MAGI2: variants seen among roughly 807,000 people sequenced by gnomAD.
MAGI2 encodes membrane-associated guanylate kinase, WW and PDZ domain-containing protein 2.
MAGI2 carries 35 observed loss-of-function variants against 133.3 expected under a neutral mutation model. The observed-to-expected ratio is 0.26, with a 90% CI of 0.20 to 0.35. The LOEUF is 0.35. MAGI2 is among the 10% of genes least tolerant of loss of function. MAGI2 has a pLI of 1.00. For missense variants in MAGI2, 1,636 were observed against 1,863.4 expected (o/e 0.88, Z 2.25); for synonymous variants, 729 against 710.6 (o/e 1.03, Z -0.41).
intron 1 of MAGI2, among the ~76,000 whole-genome samples, chr7:79,167,099 G>A (rs1825003529): frequency 6.6e-6 from 1 of 151,970 alleles, no homozygotes; most frequent in Admixed American, 6.6e-5. Context: ...GCACATTTTT[G>A]TTCCAATTTA....
rs536369407 is a variant in MAGI2, at chr7:78,903,377, A to G, written c.418+103713T>C. On this transcript the variant is annotated intron_variant, in intron 2 of 21. Transcript: ENST00000354212. ...CCCGGCTAATTTTTTTTGTATTTTT[A>G]GTAGAGACGGGGTTTCACCATGTTA... 3.1e-3 allele frequency among the ~76,000 whole-genome samples: 474 copies of G among 151,316 alleles called. 1 individual carries two copies. Among genetic ancestry groups the G allele is most frequent in the African/African-American group, 0.01 (429 of 41,288 alleles).
intron 1 of MAGI2, among the ~76,000 whole-genome samples, chr7:79,115,989 GCATCC>G (rs1410097545): frequency 1.4e-5 from 2 of 147,584 alleles, no homozygotes; most frequent in African/African-American, 5.0e-5. Flanking sequence ...AAATTATTCT[GCATCC>G]CATCAGCAAG....
chr7:78,360,916 C>G lies in MAGI2; in HGVS notation c.1103+8240G>C, dbSNP rs28662399. Among the ~76,000 whole-genome samples, 490 of 152,290 alleles carry G rather than the reference C, an allele frequency of 3.2e-3. 2 individuals are homozygous for G. The highest frequency in any genetic ancestry group is 0.011 in the African/African-American group (447 of 41,564). On this transcript the variant is annotated intron_variant, in intron 7 of 21. Coordinates refer to ENST00000354212, the MANE Select transcript of MAGI2 (RefSeq NM_012301.4). ...TTTGGCAGCAGAGAACATGGTGTCT[C>G]CAGCTGTGAGCATTCCTGCCCTCTC... is the stretch of plus-strand genomic sequence containing the variant.
At chr7:79,448,254 T>A (rs186697261) in intron 1 of MAGI2, among the ~76,000 whole-genome samples, 1 of 152,180 alleles carries the variant, frequency 6.6e-6, no homozygotes, top group Admixed American at 6.5e-5. Flanking sequence ...ATTGATATTA[T>A]TCTTCAAATA....
intron 9 of MAGI2, among the ~76,000 whole-genome samples, chr7:78,328,327 G>A (rs758364407): frequency 5.9e-5 from 9 of 151,994 alleles, no homozygotes; most frequent in Non-Finnish European, 1.0e-4. Flanking sequence ...TAAGTTTTGA[G>A]ATTACATCTG....
intron 2 of MAGI2, among the ~76,000 whole-genome samples, chr7:78,637,684 CTGTTA>C (rs1455349921): frequency 2.2e-5 from 3 of 138,730 alleles, no homozygotes; most frequent in Non-Finnish European, 5.0e-5. Context: ...ATAAAGCTCT[CTGTTA>C]TAACAAATTA....
intron 9 of MAGI2, among the ~76,000 whole-genome samples, chr7:78,281,166 C>T (rs1795532495): frequency 6.6e-6 from 1 of 152,068 alleles, no homozygotes; most frequent in East Asian, 1.9e-4. Context: ...ATTTCTCCAG[C>T]ACTTATAATC....
chr7:79,002,780 T>C (rs1246950290), intron 2 of MAGI2, among the ~76,000 whole-genome samples: 1 of 151,988 alleles, frequency 6.6e-6, no homozygotes, highest in Non-Finnish European at 1.5e-5. Flanking sequence ...GTAGTTTCAT[T>C]ACAGAACTCA....
chr7:78,923,213 C>G (rs965227495), intron 2 of MAGI2, among the ~76,000 whole-genome samples: 1 of 152,114 alleles, frequency 6.6e-6, no homozygotes, highest in African/African-American at 2.4e-5. Flanking sequence ...TCCCATTTGT[C>G]AATTTTGGCT....
chr7:78,376,413 A>G (rs1794454367), intron 6 of MAGI2, among the ~76,000 whole-genome samples: 1 of 152,142 alleles, frequency 6.6e-6, no homozygotes, highest in South Asian at 2.1e-4. Context: ...ATTATTTTAC[A>G]GTGGAAAGAA....
chr7:78,353,059 T>C (rs1218702279), intron 7 of MAGI2: 1 of 152,222 alleles, frequency 6.6e-6, no homozygotes, highest in East Asian at 1.9e-4. Context: ...TTCACTCCCA[T>C]AAAGTATCTC....
chr7:79,303,201 G>A (rs1019403317), intron 1 of MAGI2, among the ~76,000 whole-genome samples: 1 of 152,058 alleles, frequency 6.6e-6, no homozygotes, highest in South Asian at 2.1e-4. Flanking sequence ...TTTGGGGTAC[G>A]ATGTACACTA....
chr7:78,234,219 T>C (rs1334235422), intron 10 of MAGI2, among the ~76,000 whole-genome samples: 1 of 152,208 alleles, frequency 6.6e-6, no homozygotes, highest in Non-Finnish European at 1.5e-5. Flanking sequence ...TTAAATTGTA[T>C]TCCAGATTTT....
intron 10 of MAGI2, among the ~76,000 whole-genome samples, chr7:78,208,427 C>T (rs933368523): frequency 2.0e-5 from 3 of 152,000 alleles, no homozygotes; most frequent in Non-Finnish European, 4.4e-5. Context: ...AAGCCTTAAA[C>T]AGGAATAAAG....
At chr7:79,335,140 C>T (rs1840347783) in intron 1 of MAGI2, among the ~76,000 whole-genome samples, 1 of 152,088 alleles carries the variant, frequency 6.6e-6, no homozygotes, top group Admixed American at 6.5e-5. Context: ...GGAGATCCCC[C>T]TCTAAAGCAT....
At chr7:78,348,304 A>C (rs1377666502) in intron 7 of MAGI2, 1 of 152,214 alleles carries the variant, frequency 6.6e-6, no homozygotes, top group Non-Finnish European at 1.5e-5. Flanking sequence ...GGGGACATTA[A>C]TAGCTACATC....
In MAGI2 at chr7:79,410,028, GA is replaced by G. The variant is rs1370481872; in HGVS notation, c.301+42991del. On this transcript the variant is annotated intron_variant, in intron 1 of 21. Transcript: ENST00000354212. ...TTTTCAAAGGAAGTACAAATAAATA[GA>G]AACACATATAGGAATTCAGGAGTTA... 3.3e-5 allele frequency: 5 copies of G among 151,918 alleles called. No individual in the cohort carries two copies. The East Asian group carries it at 9.7e-4, about 29-fold the overall frequency. The allele number at this position is 151,918 out of a possible 1,614,324, so 9.4% of individuals were successfully genotyped here.
intron 6 of MAGI2, among the ~76,000 whole-genome samples, chr7:78,404,696 G>C (rs1338024838): frequency 2.6e-5 from 4 of 152,056 alleles, no homozygotes; most frequent in Non-Finnish European, 5.9e-5. Flanking sequence ...TTAAATGTTA[G>C]ACCTGAAACC....
intron 1 of MAGI2, among the ~76,000 whole-genome samples, chr7:79,024,278 A>G (rs2159687): frequency 0.59 from 89,350 of 152,002 alleles, 26,598 homozygotes; most frequent in East Asian, 0.63. Context: ...CCGACTTGCC[A>G]TATGAAGAAG....
Sources: gnomAD v4.1 joint callset for allele counts (sites outside exome capture counted in the v4.1 genomes callset) on GRCh38, gnomAD v4.1.1 for gene constraint, MANE v1.5 for transcripts, NCBI Gene and HGNC (gene_info 2026-07-23, HGNC 2026-07-21) for gene names.